The following SMIM14 variants were observed in gnomAD, a reference collection of about 807,000 sequenced individuals.
SMIM14 encodes small integral membrane protein 14, also known as chromosome 4 open reading frame 34.
SMIM14 carries 5 observed loss-of-function variants against 12.6 expected under a neutral mutation model. That is an observed-to-expected ratio of 0.40 (90% CI 0.21 to 0.83). The LOEUF (loss-of-function observed/expected upper bound fraction) is 0.83. Among genes scored for constraint, SMIM14 ranks in the 40% least tolerant of loss-of-function variants. The probability of loss-of-function intolerance (pLI) is 0.37; values close to 1 mark genes in which losing one functional copy is unlikely to be tolerated. For missense variants in SMIM14, 86 were observed against 119.1 expected, an observed-to-expected ratio of 0.72 and a Z score of 1.29; for synonymous variants, 30 against 40.1, an observed-to-expected ratio of 0.75 and a Z score of 0.95.
chr4:39,625,104 G>C (rs1244624792), intron 1 of SMIM14, among the ~76,000 whole-genome samples: 1 of 151,344 alleles, frequency 6.6e-6, no homozygotes, highest in Non-Finnish European at 1.5e-5. Context: ...TGTAATCCCA[G>C]CTACTCGGGA....
At chr4:39,564,661 T>C (rs772510060) in intron 3 of SMIM14, among the ~76,000 whole-genome samples, 6 of 152,200 alleles carry the variant, frequency 3.9e-5, no homozygotes, top group African/African-American at 9.6e-5. Flanking sequence ...ATCCTCTCTT[T>C]TGTTTAAAGG....
At chr4:39,585,756 T>G (rs1048215099) in intron 2 of SMIM14, among the ~76,000 whole-genome samples, 1 of 151,766 alleles carries the variant, frequency 6.6e-6, no homozygotes, top group African/African-American at 2.4e-5. Context: ...AGGCTCCAGG[T>G]AGCACCAACC....
chr4:39,594,888 A>C (rs1714286613), intron 2 of SMIM14, among the ~76,000 whole-genome samples: 1 of 151,230 alleles, frequency 6.6e-6, no homozygotes, highest in Non-Finnish European at 1.5e-5. Flanking sequence ...GGCGATCATT[A>C]AAAAGTCAGG....
At chr4:39,585,477 A>G (rs1713740484) in intron 2 of SMIM14, among the ~76,000 whole-genome samples, 1 of 151,870 alleles carries the variant, frequency 6.6e-6, no homozygotes, top group Admixed American at 6.6e-5. Context: ...TTGTATTTTT[A>G]GTAGAGACGG....
Position 39,551,591 on chromosome 4 carries a change from GCTAC to G in SMIM14, c.*531_*534del, listed in dbSNP as rs1425579169. On this transcript the variant is annotated 3_prime_UTR_variant, in exon 5 of 5. Coordinates refer to ENST00000295958, the MANE Select transcript of SMIM14 (RefSeq NM_174921.3). ...CTGTAATTTGCAAAACAATCCAAGA[GCTAC>G]CACAGTCCCCAAAACTACAGAAAAC... 2 of 152,540 alleles carry G rather than the reference GCTAC, an allele frequency of 1.3e-5. No individual in the cohort carries two copies. The highest frequency in any genetic ancestry group is 2.4e-5 in the African/African-American group (1 of 41,388). 9.4% of individuals were successfully genotyped at this position (152,540 alleles called of 1,614,324 possible).
chr4:39,626,165 T>G (rs1446779051), intron 1 of SMIM14, among the ~76,000 whole-genome samples: 2 of 152,162 alleles, frequency 1.3e-5, no homozygotes, highest in Non-Finnish European at 2.9e-5. Context: ...TGTCTGATGA[T>G]CTGAGGTAGA....
chr4:39,607,432 T>C (rs1378269238), intron 1 of SMIM14, among the ~76,000 whole-genome samples: 1 of 152,208 alleles, frequency 6.6e-6, no homozygotes, highest in African/African-American at 2.4e-5. Flanking sequence ...CACTCAAAAA[T>C]ATTTAGTGCT....
At chr4:39,614,684 C>A (rs938796235) in intron 1 of SMIM14, among the ~76,000 whole-genome samples, 2 of 152,114 alleles carry the variant, frequency 1.3e-5, no homozygotes, top group Non-Finnish European at 2.9e-5. Flanking sequence ...TATATGTCAG[C>A]ATTTTCCCAT....
chr4:39,555,762 G>T (rs1711978970), intron 4 of SMIM14, among the ~76,000 whole-genome samples: 1 of 152,090 alleles, frequency 6.6e-6, no homozygotes, highest in Non-Finnish European at 1.5e-5. Context: ...AATAAGACAG[G>T]CTCAGTGTCT....
chr4:39,566,877 G>A lies in SMIM14; in HGVS notation c.124+5538C>T, dbSNP rs145912313. Among the ~76,000 whole-genome samples the A allele has an allele frequency of 1.6e-4, 25 of 152,276 alleles. No individual in the cohort carries two copies. The East Asian group carries it at 4.6e-3, about 28-fold the overall frequency. On this transcript the variant is annotated intron_variant, in intron 3 of 4. Coordinates refer to ENST00000295958, the MANE Select transcript of SMIM14 (RefSeq NM_174921.3). Reference sequence around the variant, plus strand: ...AGCTACTCGGGAGGCTGAGGCAGGAGAATCGCTTGAACCTGCGAGGTGGAG... The same window carrying A: ...AGCTACTCGGGAGGCTGAGGCAGGAAAATCGCTTGAACCTGCGAGGTGGAG...
Position 39,594,611 on chromosome 4 carries a change from C to A in SMIM14, c.75+10460G>T, listed in dbSNP as rs868135573. On this transcript the variant is annotated intron_variant, in intron 2 of 4. Transcript: ENST00000295958. ...CAAAAGAAACTACCATCAGAGTGAA[C>A]AGGCAACCTACAAAATGGGAGAAAA... 441 of 148,130 alleles carry A rather than the reference C, an allele frequency of 3.0e-3. 2 individuals carry two copies. Among genetic ancestry groups the A allele is most frequent in the African/African-American group, 0.01 (416 of 40,180 alleles). The allele number at this position is 148,130 out of a possible 1,614,324, so 9.2% of individuals were successfully genotyped here. A position where few individuals can be genotyped will look rare whatever the true frequency, so the allele number is the denominator to read the frequency against.
chr4:39,562,047 C>T (rs968264542), intron 3 of SMIM14, among the ~76,000 whole-genome samples: 3 of 152,052 alleles, frequency 2.0e-5, no homozygotes, highest in African/African-American at 7.2e-5. Context: ...GCAGCTTTTC[C>T]TTCTTGCTTA....
intron 1 of SMIM14, among the ~76,000 whole-genome samples, chr4:39,630,532 T>C (rs537861616): frequency 6.6e-6 from 1 of 152,254 alleles, no homozygotes; most frequent in Non-Finnish European, 1.5e-5. Context: ...TCATTAGTCA[T>C]ACTGGGAAAA....
intron 1 of SMIM14, among the ~76,000 whole-genome samples, chr4:39,635,838 C>T (rs958447235): frequency 1.3e-5 from 2 of 151,970 alleles, no homozygotes; most frequent in Non-Finnish European, 2.9e-5. Flanking sequence ...ACTGGTAAAG[C>T]ACTGGACTAA....
intron 1 of SMIM14, among the ~76,000 whole-genome samples, chr4:39,617,733 T>C (rs1251509927): frequency 6.6e-6 from 1 of 152,228 alleles, no homozygotes; most frequent in African/African-American, 2.4e-5. Flanking sequence ...CAAAGTTTAC[T>C]CTTCCCTGCC....
At chr4:39,553,085 G>A (rs1177880312) in intron 4 of SMIM14, among the ~76,000 whole-genome samples, 2 of 149,874 alleles carry the variant, frequency 1.3e-5, no homozygotes, top group Non-Finnish European at 3.0e-5. Flanking sequence ...CCTTGAGACA[G>A]AGTCTCACTC....
chr4:39,628,337 C>T (rs1241498186), intron 1 of SMIM14, among the ~76,000 whole-genome samples: 2 of 151,376 alleles, frequency 1.3e-5, no homozygotes, highest in Non-Finnish European at 2.9e-5. Flanking sequence ...AAATTCTACC[C>T]AAGAATATTT....
intron 2 of SMIM14, among the ~76,000 whole-genome samples, chr4:39,582,553 A>G (rs922760137): frequency 6.6e-6 from 1 of 151,742 alleles, no homozygotes; most frequent in Non-Finnish European, 1.5e-5. Context: ...AATCCCAGCT[A>G]CTTGGGAGGC....
chr4:39,564,711 G>A (rs1028655865), intron 3 of SMIM14, among the ~76,000 whole-genome samples: 3 of 152,194 alleles, frequency 2.0e-5, no homozygotes, highest in African/African-American at 7.2e-5. Flanking sequence ...TAAGCAGGGG[G>A]CTAAGGGAAG....
Sources: gnomAD v4.1 joint callset for allele counts (sites outside exome capture counted in the v4.1 genomes callset) on GRCh38, gnomAD v4.1.1 for gene constraint, MANE v1.5 for transcripts, NCBI Gene and HGNC (gene_info 2026-07-23, HGNC 2026-07-21) for gene names.